The following CENPI variants were observed in gnomAD, a reference collection of about 807,000 sequenced individuals.
The protein encoded by CENPI is centromere protein I.
In CENPI, 4 loss-of-function variants were observed where a neutral mutation model predicts 60.4. The ratio of observed to expected loss-of-function variants is 0.07; its 90% CI spans 0.03 to 0.15. CENPI has a LOEUF of 0.15. Among genes scored for constraint, CENPI ranks in the 10% least tolerant of loss-of-function variants. The probability of loss-of-function intolerance (pLI) is 1.00; values close to 1 mark genes in which losing one functional copy is unlikely to be tolerated. For synonymous variants in CENPI, 157 were observed against 189.4 expected, an observed-to-expected ratio of 0.83 and a Z score of 1.40; for missense variants, 444 against 534.5, an observed-to-expected ratio of 0.83 and a Z score of 1.67.
At chrX:101,133,822 G>C (rs2089820624) in intron 15 of CENPI, among the ~76,000 whole-genome samples, 1 of 111,882 alleles carries the variant, frequency 8.9e-6, no homozygotes, top group African/African-American at 3.2e-5. Context: ...ACAATACAGA[G>C]GTTTTGGCTT....
At chrX:101,132,534 T>C in intron 15 of CENPI, 78 bp downstream of exon 15, 1 of 853,405 alleles carries the variant, frequency 1.2e-6, no homozygotes, top group Non-Finnish European at 1.7e-6. Flanking sequence ...CAAACTGATA[T>C]TACAGCAATG....
At chrX:101,143,965 C>G (rs1221108942) in intron 16 of CENPI, among the ~76,000 whole-genome samples, 5 of 111,626 alleles carry the variant, frequency 4.5e-5, no homozygotes, top group African/African-American at 1.6e-4. Context: ...TTCCTGAAGT[C>G]ATTTTAATGT....
chrX:101,150,270 A>G lies in CENPI; in HGVS notation c.2094+2109A>G, dbSNP rs769411832. Among the ~76,000 whole-genome samples the G allele has an allele frequency of 3.7e-5, 4 of 107,294 alleles. No individual in the cohort carries two copies. The East Asian group carries it at 1.1e-3, about 31-fold the overall frequency. 93.2% of individuals were successfully genotyped at this position (107,294 alleles called of 115,157 possible). A position where few individuals can be genotyped will look rare whatever the true frequency, so the allele number is the denominator to read the frequency against. Reference sequence around the variant, plus strand: ...GCAGGTCTTTTTCCCCCTGCACTAAATCCTTCTACAAACGTAAGGTGCACA... The same window carrying G: ...GCAGGTCTTTTTCCCCCTGCACTAAGTCCTTCTACAAACGTAAGGTGCACA... On this transcript the variant is annotated intron_variant, in intron 20 of 21. Coordinates refer to ENST00000682095, the MANE Select transcript of CENPI (RefSeq NM_001386188.2).
chrX:101,157,054 T>C (rs1481291814), intron 20 of CENPI, among the ~76,000 whole-genome samples: 1 of 111,754 alleles, frequency 8.9e-6, no homozygotes, highest in Non-Finnish European at 1.9e-5. Flanking sequence ...GTGGTTCTAC[T>C]TTTAGTTCTT....
In CENPI at chrX:101,120,435, A is replaced by G. The variant is rs1354595230; in HGVS notation, c.625A>G (p.Thr209Ala). Residue 209 changes from threonine (T) to alanine (A), a missense_variant, in exon 7 of 22, where the codon ACC becomes GCC. Thr to Ala is a moderately conservative substitution (Grantham distance 58). Transcript: ENST00000682095. ...TGTTTGCCATTTGTTATATTTACTT[A>G]CCAAAAAAGAGAATGGTGAGTATTT... ...PYVCHLLYLL[T>A]KKENVKPFRV... 1 of 965,619 alleles carries G rather than the reference A, an allele frequency of 1.0e-6. No individual in the cohort carries two copies. 79.6% of individuals were successfully genotyped at this position (965,619 alleles called of 1,213,427 possible).
chrX:101,149,011 A>G (rs776526792), intron 20 of CENPI, among the ~76,000 whole-genome samples: 1 of 111,632 alleles, frequency 9.0e-6, no homozygotes, highest in East Asian at 2.8e-4. Flanking sequence ...AAAAACAATA[A>G]TAAGTGATGT....
intron 6 of CENPI, among the ~76,000 whole-genome samples, chrX:101,113,280 T>C (rs1333469538): frequency 1.3e-5 from 1 of 75,003 alleles, no homozygotes; most frequent in Non-Finnish European, 2.6e-5. Flanking sequence ...TCTCCATCCC[T>C]TTACACACAC....
chrX:101,140,970 C>A (rs960214574), intron 16 of CENPI: 1 of 325,162 alleles, frequency 3.1e-6, no homozygotes, highest in Non-Finnish European at 5.3e-6. Flanking sequence ...AGAAAGCAAC[C>A]CTTATCTGCT....
chrX:101,114,525 G>GCC (rs2089595309), intron 6 of CENPI, among the ~76,000 whole-genome samples: 1 of 111,851 alleles, frequency 8.9e-6, no homozygotes, highest in Admixed American at 9.5e-5. Flanking sequence ...GTCTTTATAG[G>GCC]TTTGCCTATT....
At chrX:101,108,580 A>G (rs1044494081) in intron 4 of CENPI, among the ~76,000 whole-genome samples, 1 of 111,330 alleles carries the variant, frequency 9.0e-6, no homozygotes, top group African/African-American at 3.3e-5. Flanking sequence ...TCATCACCCC[A>G]AGAAGAAACC....
At chrX:101,137,724 T>A (rs1421848647) in intron 15 of CENPI, among the ~76,000 whole-genome samples, 1 of 108,679 alleles carries the variant, frequency 9.2e-6, no homozygotes, top group Non-Finnish European at 1.9e-5. Flanking sequence ...GATTTTCTGG[T>A]TCCCTTCCAA....
rs1169415881 is a variant in CENPI at position 101,163,585 on chromosome X, A to G, written c.*618A>G. Reference sequence around the variant, plus strand: ...GCTCTATTTTGTTTGTGTGTATTGTATATGTATATGTGTATGTGTGCGTGT... The same window carrying G: ...GCTCTATTTTGTTTGTGTGTATTGTGTATGTATATGTGTATGTGTGCGTGT... On this transcript the variant is annotated 3_prime_UTR_variant, in exon 22 of 22. Coordinates refer to ENST00000682095, the MANE Select transcript of CENPI (RefSeq NM_001386188.2). 1 of 113,411 alleles carries G rather than the reference A, an allele frequency of 8.8e-6. No homozygotes were observed. Among genetic ancestry groups the G allele is most frequent in the African/African-American group, 3.3e-5 (1 of 30,766 alleles). 9.3% of individuals were successfully genotyped at this position (113,411 alleles called of 1,213,427 possible). A position where few individuals can be genotyped will look rare whatever the true frequency, so the allele number is the denominator to read the frequency against.
At chrX:101,166,541 C>A (rs2148275376), downstream of CENPI, among the ~76,000 whole-genome samples, 1 of 112,562 alleles carries the variant, frequency 8.9e-6, no homozygotes, top group African/African-American at 3.2e-5. Context: ...TTTGAAGATT[C>A]TTCATGGCAA....
rs1403071590 is a variant in CENPI, at chrX:101,164,010, G to A, written c.*1043G>A. 3.8e-5 allele frequency among the ~76,000 whole-genome samples: 3 copies of A among 79,335 alleles called. No individual in the cohort carries two copies. The highest frequency in any genetic ancestry group is 7.3e-5 in the Non-Finnish European group (3 of 41,215). The allele number at this position is 79,335 out of a possible 115,157, so 68.9% of individuals were successfully genotyped here. On this transcript the variant is annotated 3_prime_UTR_variant, in exon 22 of 22. Coordinates refer to ENST00000682095, the MANE Select transcript of CENPI (RefSeq NM_001386188.2). ...AGATCGCGCCACTGCACTCCAGCGA[G>A]ACTCTGTCTCAAAAAAAAAAAAAAA...
At chrX:101,153,244 G>A (rs904725300) in intron 20 of CENPI, among the ~76,000 whole-genome samples, 1 of 110,034 alleles carries the variant, frequency 9.1e-6, no homozygotes, top group Non-Finnish European at 1.9e-5. Context: ...TTGGAGAAAT[G>A]TCTATCAGAC....
At chrX:101,115,371 A>G (rs1439665912) in intron 6 of CENPI, among the ~76,000 whole-genome samples, 1 of 108,948 alleles carries the variant, frequency 9.2e-6, no homozygotes, top group Non-Finnish European at 1.9e-5. Flanking sequence ...TGCAGCCTCG[A>G]TTGATCAGCC....
rs867235280 is a variant in CENPI at position 101,132,493 on chromosome X, G to A, written c.1470+37G>A. ...TTGTCTTGCTTAGATTCAATAGGATGTATTATTCTATTGCTAGTGGTACAC... is the reference window on the plus strand; with the variant it reads ...TTGTCTTGCTTAGATTCAATAGGATATATTATTCTATTGCTAGTGGTACAC... On this transcript the variant is annotated intron_variant, in intron 15 of 21. Coordinates refer to ENST00000682095, the MANE Select transcript of CENPI (RefSeq NM_001386188.2). The A allele has an allele frequency of 1.7e-5, 18 of 1,054,539 alleles. No individual in the cohort carries two copies. The Middle Eastern group carries it at 1.6e-3, about 95-fold the overall frequency. The allele number at this position is 1,054,539 out of a possible 1,213,427, so 86.9% of individuals were successfully genotyped here.
chrX:101,120,197 A>T lies in CENPI; in HGVS notation c.592-205A>T, dbSNP rs188076391. 8.9e-5 allele frequency among the ~76,000 whole-genome samples: 10 copies of T among 111,793 alleles called. No homozygotes were observed. The East Asian group carries it at 2.8e-3, about 31-fold the overall frequency. On this transcript the variant is annotated intron_variant, in intron 6 of 21. Coordinates refer to ENST00000682095, the MANE Select transcript of CENPI (RefSeq NM_001386188.2). ...CTTTACATTCCAAAAATAACTAAAAAATGACCTAATGAAATGCTGATTAAA... is the reference window on the plus strand; with the variant it reads ...CTTTACATTCCAAAAATAACTAAAATATGACCTAATGAAATGCTGATTAAA...
intron 4 of CENPI, among the ~76,000 whole-genome samples, chrX:101,103,498 C>T (rs143509804): frequency 0.01 from 1,126 of 110,852 alleles, 11 homozygotes; most frequent in African/African-American, 0.025. Context: ...TGCGCCACCA[C>T]GCCTGACTAG....
Sources: gnomAD v4.1 joint callset for allele counts (sites outside exome capture counted in the v4.1 genomes callset) on GRCh38, gnomAD v4.1.1 for gene constraint, MANE v1.5 for transcripts, NCBI Gene and HGNC (gene_info 2026-07-23, HGNC 2026-07-21) for gene names.